Variants in KCNK10 observed in about 807,000 individuals in gnomAD.
KCNK10 encodes the protein potassium channel subfamily K member 10.
In KCNK10, 25 loss-of-function variants were observed where a neutral mutation model predicts 47.7. The ratio of observed to expected loss-of-function variants is 0.52; its 90% CI spans 0.38 to 0.73. KCNK10 has a LOEUF of 0.73. KCNK10 is among the 30% of genes least tolerant of loss of function. The pLI, the probability that KCNK10 is intolerant of heterozygous loss-of-function variation, is 0.00. For missense variants in KCNK10, 563 were observed against 714.5 expected (o/e 0.79, Z 2.42); for synonymous variants, 303 against 285.6 (o/e 1.06, Z -0.61).
intron 4 of KCNK10, among the ~76,000 whole-genome samples, chr14:88,210,063 T>C (rs1359874772): frequency 6.6e-6 from 1 of 152,222 alleles, no homozygotes; most frequent in Non-Finnish European, 1.5e-5. Context: ...TCTACAATAA[T>C]AGTGAATAGC....
intron 2 of KCNK10, among the ~76,000 whole-genome samples, chr14:88,253,676 G>T (rs1886861557): frequency 6.6e-6 from 1 of 152,140 alleles, no homozygotes; most frequent in Admixed American, 6.5e-5. Context: ...GAGGTGGGCA[G>T]ATCACCTGAG....
At chr14:88,258,347 A>G (rs913552963) in intron 2 of KCNK10, among the ~76,000 whole-genome samples, 2 of 150,396 alleles carry the variant, frequency 1.3e-5, no homozygotes, top group Non-Finnish European at 2.9e-5. Flanking sequence ...CTGGAGTGCA[A>G]TGGCACCATC....
At chr14:88,296,866 A>ATTGTACAAATATC (rs1887995738) in intron 1 of KCNK10, among the ~76,000 whole-genome samples, 2 of 152,226 alleles carry the variant, frequency 1.3e-5, no homozygotes, top group African/African-American at 4.8e-5. Context: ...CCAATATAGT[A>ATTGTACAAATATC]TTGTACAAAT....
chr14:88,276,084 A>G (rs930509642), intron 1 of KCNK10, among the ~76,000 whole-genome samples: 1 of 152,080 alleles, frequency 6.6e-6, no homozygotes, highest in African/African-American at 2.4e-5. Context: ...TACCACAAGA[A>G]CTGTCTCAAT....
chr14:88,304,361 T>C (rs1888165559), intron 1 of KCNK10, among the ~76,000 whole-genome samples: 1 of 152,018 alleles, frequency 6.6e-6, no homozygotes, highest in African/African-American at 2.4e-5. Flanking sequence ...TGAAGTAGAG[T>C]CTTATTGTAA....
chr14:88,264,564 A>G (rs1469128369), intron 1 of KCNK10, among the ~76,000 whole-genome samples: 2 of 152,208 alleles, frequency 1.3e-5, no homozygotes, highest in Admixed American at 6.5e-5. Context: ...AGAGCAGGCT[A>G]TGTCACTGCC....
intron 3 of KCNK10, among the ~76,000 whole-genome samples, chr14:88,238,634 A>G (rs2093207): frequency 0.2 from 30,768 of 152,194 alleles, 3,393 homozygotes; most frequent in East Asian, 0.39. Context: ...TGATCACACC[A>G]CTGCACTCCT....
At position 88,187,976 on chromosome 14, in the gene KCNK10, T is replaced by G. The variant is rs757227290; in HGVS notation, c.1002A>C (p.Thr334=). The G allele has an allele frequency of 6.2e-7, 1 of 1,614,138 alleles. No individual in the cohort carries two copies. The highest frequency in any genetic ancestry group is 2.2e-5 in the East Asian group (1 of 44,868). The change falls in exon 6 of 7, where the codon ACA becomes ACC. Residue 334 remains threonine (T), a synonymous_variant. Transcript: ENST00000319231. The part of the protein sequence containing the change: ...GDWLRVLSKK[T]KEEVGEIKAH... ...TAGGAAGGGGTCCTACCTCTTCTTT[T>G]GTCTTTTTGGACAGAACCCGTAGCC... is the stretch of plus-strand genomic sequence containing the variant.
At chr14:88,286,756 G>A (rs1317774774) in intron 1 of KCNK10, among the ~76,000 whole-genome samples, 1 of 152,136 alleles carries the variant, frequency 6.6e-6, no homozygotes, top group Non-Finnish European at 1.5e-5. Context: ...TAGATTTCAT[G>A]AGACTTATTC....
intron 4 of KCNK10, among the ~76,000 whole-genome samples, chr14:88,216,039 C>T (rs1407798405): frequency 6.6e-6 from 1 of 152,142 alleles, no homozygotes; most frequent in Non-Finnish European, 1.5e-5. Context: ...AAAGTTAGTG[C>T]TGAGATGGTT....
chr14:88,202,583 C>T (rs1017746354), intron 4 of KCNK10, among the ~76,000 whole-genome samples: 25 of 152,150 alleles, frequency 1.6e-4, no homozygotes, highest in African/African-American at 2.2e-4. Context: ...CCTCCTCTTT[C>T]GTCTCACTGG....
intron 1 of KCNK10, among the ~76,000 whole-genome samples, chr14:88,306,852 G>A (rs1888212251): frequency 6.6e-6 from 1 of 152,094 alleles, no homozygotes; most frequent in Non-Finnish European, 1.5e-5. Context: ...TTTCATTTCT[G>A]TAACTTTCCA....
Position 88,185,340 on chromosome 14 carries a change from G to T in KCNK10, c.*195C>A. 2 of 779,722 alleles carry T rather than the reference G, an allele frequency of 2.6e-6. No individual in the cohort carries two copies. The highest frequency in any genetic ancestry group is 3.9e-6 in the Non-Finnish European group (2 of 508,626). 48.3% of individuals were successfully genotyped at this position (779,722 alleles called of 1,614,324 possible). On this transcript the variant is annotated 3_prime_UTR_variant, in exon 7 of 7. Coordinates refer to ENST00000319231, the MANE Select transcript of KCNK10 (RefSeq NM_138317.3). This position sits in a 1 kb window ranked among gnomAD's most constrained non-coding sequence, Gnocchi z 4.3. ...TTGGTGTGTCCTGCGTTTGCTATCT[G>T]AAATGAAGTTCTTGTTCTCTGATTC...
At chr14:88,211,787 T>C (rs1349360811) in intron 4 of KCNK10, among the ~76,000 whole-genome samples, 6 of 151,514 alleles carry the variant, frequency 4.0e-5, no homozygotes, top group Non-Finnish European at 8.8e-5. Context: ...TCCCAGCTAC[T>C]TGGGAGGCTG....
At chr14:88,298,870 A>C (rs942453065) in intron 1 of KCNK10, among the ~76,000 whole-genome samples, 1 of 151,970 alleles carries the variant, frequency 6.6e-6, no homozygotes, top group African/African-American at 2.4e-5. Context: ...ATCACCACCA[A>C]ACAACGGAGA....
In KCNK10 at chr14:88,212,109, A is replaced by AATATATAT. The variant is rs34318518; in HGVS notation, c.681+15258_681+15265dup. ...ACTTTTGGTACTAACTGATAGTGAG[A>AATATATAT]ATATATATATATATATATATATCGA... On this transcript the variant is annotated intron_variant, in intron 4 of 6. Coordinates refer to ENST00000319231, the MANE Select transcript of KCNK10 (RefSeq NM_138317.3). Among the ~76,000 whole-genome samples, 708 of 133,334 alleles carry AATATATAT rather than the reference A, an allele frequency of 5.3e-3. 19 individuals are homozygous for AATATATAT. The highest frequency in any genetic ancestry group is 0.017 in the African/African-American group (624 of 35,848). The allele number at this position is 133,334 out of a possible 152,430, so 87.5% of individuals were successfully genotyped here.
At position 88,263,374 on chromosome 14, in the gene KCNK10, A is replaced by G. The variant is rs1477663245; in HGVS notation, c.230T>C (p.Val77Ala). The change falls in exon 2 of 7, where the codon GTG becomes GCG. Residue 77 changes from valine to alanine, a missense_variant. Val to Ala is a moderately conservative substitution (Grantham distance 64). Transcript: ENST00000319231. ...GLQTVMKWKT[V>A]VAIFVVVVVY... ...CACCACAACCACAAAGATGGCAACC[A>G]CCGTCTTCCACTTCATGACGGTCTG... 6.2e-7 allele frequency: 1 copy of G among 1,613,988 alleles called. No homozygotes were observed. The highest frequency in any genetic ancestry group is 2.2e-5 in the East Asian group (1 of 44,876).
At chr14:88,261,273 G>A (rs996638775) in intron 2 of KCNK10, among the ~76,000 whole-genome samples, 16 of 151,950 alleles carry the variant, frequency 1.1e-4, no homozygotes, top group Admixed American at 1.3e-4. Context: ...TTATTATGAC[G>A]TGTCTTACAA....
At chr14:88,296,672 AT>A (rs1188455085) in intron 1 of KCNK10, among the ~76,000 whole-genome samples, 2 of 152,290 alleles carry the variant, frequency 1.3e-5, no homozygotes, top group East Asian at 3.9e-4. Context: ...CCATTCTGCT[AT>A]TATTGTCTAC....
Sources: allele counts gnomAD v4.1 joint callset (sites outside exome capture counted in the v4.1 genomes callset), GRCh38; gene constraint gnomAD v4.1.1; non-coding constraint Gnocchi (gnomAD v3.1); transcripts MANE v1.5; gene names NCBI Gene and HGNC (gene_info 2026-07-23, HGNC 2026-07-21).